Variants in LMO7 observed in about 807,000 individuals in gnomAD.
LMO7 encodes LIM domain 7.
A neutral mutation model predicts 206.5 loss-of-function variants in LMO7; 120 were observed. That is an observed-to-expected ratio of 0.58 (90% confidence interval 0.50 to 0.68). The LOEUF (loss-of-function observed/expected upper bound fraction) is 0.68. LMO7 is among the 30% of genes least tolerant of loss of function. The pLI is 0.00. For synonymous variants in LMO7, 706 were observed against 681.5 expected, an observed-to-expected ratio of 1.04 and a Z score of -0.56; for missense variants, 1,959 against 1,957.9, an observed-to-expected ratio of 1.00 and a Z score of -0.01.
Position 75,833,043 on chromosome 13 carries a change from G to A in LMO7, c.2950-8G>A, listed in dbSNP as rs1403402998. On this transcript the variant is annotated splice_polypyrimidine_tract_variant and splice_region_variant and intron_variant, in intron 15 of 30. Coordinates refer to ENST00000377534, the MANE Select transcript of LMO7 (RefSeq NM_001306080.2). Reference sequence around the variant, plus strand: ...ACCGGATACCAGCGTTTCATGTTTTGTTTTCAGGATCAGTTCAGTGATATG... The same window carrying A: ...ACCGGATACCAGCGTTTCATGTTTTATTTTCAGGATCAGTTCAGTGATATG... 6.5e-7 allele frequency: 1 copy of A among 1,545,084 alleles called. No homozygotes were observed. Among genetic ancestry groups the A allele is most frequent in the Non-Finnish European group, 8.9e-7 (1 of 1,117,838 alleles).
At position 75,806,006 on chromosome 13, in the gene LMO7, C is replaced by G. The variant is rs368551924; in HGVS notation, c.1196+246C>G. On this transcript the variant is annotated intron_variant, in intron 9 of 30. Transcript: ENST00000377534. Reference sequence around the variant, plus strand: ...TTATTTTTAGTAGTTCTGTTTTTCTCCAATTCTTTGTCTCATTCCCTCTTC... The same window carrying G: ...TTATTTTTAGTAGTTCTGTTTTTCTGCAATTCTTTGTCTCATTCCCTCTTC... The G allele has an allele frequency of 9.1e-6, 11 of 1,208,520 alleles. No homozygotes were observed. The East Asian group carries it at 1.0e-4, about 11-fold the overall frequency. The allele number at this position is 1,208,520 out of a possible 1,614,324, so 74.9% of individuals were successfully genotyped here.
intron 16 of LMO7, among the ~76,000 whole-genome samples, chr13:75,833,821 T>G (rs552953625): frequency 6.6e-6 from 1 of 152,296 alleles, no homozygotes; most frequent in Non-Finnish European, 1.5e-5. Context: ...ATTTTAGTTA[T>G]GGAGTAATTT....
At chr13:75,722,622 T>C (rs570339148) in intron 2 of LMO7, among the ~76,000 whole-genome samples, 24 of 152,178 alleles carry the variant, frequency 1.6e-4, no homozygotes, top group Non-Finnish European at 3.4e-4. Flanking sequence ...ACAGCCACTG[T>C]GGAAAACAGT....
chr13:75,687,600 A>G (rs986664274), intron 1 of LMO7, among the ~76,000 whole-genome samples: 16 of 151,908 alleles, frequency 1.1e-4, no homozygotes, highest in East Asian at 1.9e-4. Flanking sequence ...AGCACTTGTT[A>G]TGTATTTTAT....
At position 75,660,800 on chromosome 13, in the gene LMO7, G is replaced by A. The variant is rs150011003; in HGVS notation, c.69+24074G>A. 5.4e-3 allele frequency among the ~76,000 whole-genome samples: 815 copies of A among 152,182 alleles called. 4 individuals carry two copies. The highest frequency in any genetic ancestry group is 9.8e-3 in the Non-Finnish European group (666 of 68,004). ...TCATGTTTTCCGTTTTTAGAAACCCGGTCCCTTGAGTCTTTGAGGTTTTGT... is the reference window on the plus strand; with the variant it reads ...TCATGTTTTCCGTTTTTAGAAACCCAGTCCCTTGAGTCTTTGAGGTTTTGT... On this transcript the variant is annotated intron_variant, in intron 1 of 30. Coordinates refer to ENST00000377534, the MANE Select transcript of LMO7 (RefSeq NM_001306080.2).
At position 75,838,534 on chromosome 13, in the gene LMO7, T is replaced by A. The variant is rs1595441597; in HGVS notation, c.3451+338T>A. 9.6e-6 allele frequency: 3 copies of A among 313,490 alleles called. No individual in the cohort carries two copies. The East Asian group carries it at 2.5e-4, about 26-fold the overall frequency. The allele number at this position is 313,490 out of a possible 1,614,324, so 19.4% of individuals were successfully genotyped here. On this transcript the variant is annotated intron_variant, in intron 20 of 30. Transcript: ENST00000377534. Reference sequence around the variant, plus strand: ...GGGTAACAGTAAGAAATGAGGAATTTCATTTAAGCCTTACTGCTTCCTACA... The same window carrying A: ...GGGTAACAGTAAGAAATGAGGAATTACATTTAAGCCTTACTGCTTCCTACA...
chr13:75,783,446 C>G (rs551013841), intron 4 of LMO7, among the ~76,000 whole-genome samples: 1 of 152,264 alleles, frequency 6.6e-6, no homozygotes, highest in Non-Finnish European at 1.5e-5. Context: ...ACCTCAGCCT[C>G]CTGAGTAGCT....
rs374022326 is a variant in LMO7 at position 75,841,992 on chromosome 13, C to G, written c.4031+9C>G. ...ATATACCAGTACAGGAGGTATGTCC[C>G]CACAGCCAGAGGGTACAAAGGCTTA... is the stretch of plus-strand genomic sequence containing the variant. On this transcript the variant is annotated intron_variant, in intron 24 of 30. Coordinates refer to ENST00000377534, the MANE Select transcript of LMO7 (RefSeq NM_001306080.2). 2.5e-6 allele frequency: 4 copies of G among 1,594,920 alleles called. No homozygotes were observed. The African/African-American group carries it at 5.4e-5, about 21-fold the overall frequency.
At chr13:75,627,720 A>G (rs1211182245) in intron 2 of LMO7, 2 of 151,354 alleles carry the variant, frequency 1.3e-5, no homozygotes, top group African/African-American at 4.9e-5. Context: ...TTTTCGTTTC[A>G]TGGGCTTCAG....
rs767450564 is a variant in LMO7, at chr13:75,849,092, T to C, written c.4164T>C (p.Tyr1388=). The change falls in exon 27 of 31, where the codon TAT becomes TAC. Residue 1388 remains tyrosine, a synonymous_variant. Transcript: ENST00000377534. ...TTTTTAATTTAGGAAACAATAAATA[T>C]TTAGACCAAATTGGGAACATGACCT... ...YSTNKNGNNK[Y]LDQIGNMTSS... 15 of 1,599,534 alleles carry C rather than the reference T, an allele frequency of 9.4e-6. No individual in the cohort carries two copies. Among genetic ancestry groups the C allele is most frequent in the Non-Finnish European group, 1.3e-5 (15 of 1,167,164 alleles).
chr13:75,819,310 T>G, intron 12 of LMO7, 83 bp from the exon 13 acceptor site: 1 of 1,449,586 alleles, frequency 6.9e-7, no homozygotes, highest in Non-Finnish European at 9.2e-7. Flanking sequence ...AGTGATGTAA[T>G]AAGATACTCT....
chr13:75,780,473 G>A (rs759324608), intron 4 of LMO7, among the ~76,000 whole-genome samples: 1 of 152,194 alleles, frequency 6.6e-6, no homozygotes, highest in African/African-American at 2.4e-5. Flanking sequence ...CAGGCAGTCA[G>A]ACTTTATGGT....
intron 4 of LMO7, among the ~76,000 whole-genome samples, chr13:75,782,257 CT>C (rs1405845370): frequency 6.6e-6 from 1 of 152,148 alleles, no homozygotes; most frequent in African/African-American, 2.4e-5. Flanking sequence ...CATTGATTAG[CT>C]GTAGATGAGG....
At chr13:75,708,273 T>C (rs1252914876) in intron 1 of LMO7, among the ~76,000 whole-genome samples, 1 of 152,234 alleles carries the variant, frequency 6.6e-6, no homozygotes, top group Non-Finnish European at 1.5e-5. Context: ...GTAGTGAATG[T>C]GGAATTTGAA....
At chr13:75,726,321 A>C (rs536489157) in intron 2 of LMO7, among the ~76,000 whole-genome samples, 1 of 152,168 alleles carries the variant, frequency 6.6e-6, no homozygotes, top group South Asian at 2.1e-4. Context: ...TTCAGTTGTC[A>C]AAGCTGAGTT....
In LMO7 at chr13:75,853,232, C is replaced by T; in HGVS notation, c.4505C>T (p.Ser1502Leu). Residue 1502 changes from serine to leucine, a missense_variant, in exon 28 of 31, where the codon TCA becomes TTA. Transcript: ENST00000377534. ...SRPPPQLVST[S>L]NRAYMRNPSS... The stretch of plus-strand genomic sequence containing the variant: ...CCACCACCTCAGCTGGTGTCCACAT[C>T]AAACCGTGCCTACATGCGGAACCCC... The T allele has an allele frequency of 6.2e-7, 1 of 1,614,170 alleles. No homozygotes were observed. Among genetic ancestry groups the T allele is most frequent in the Non-Finnish European group, 8.5e-7 (1 of 1,180,024 alleles).
chr13:75,770,190 T>TA (rs1555314673), intron 4 of LMO7, among the ~76,000 whole-genome samples: 1 of 150,858 alleles, frequency 6.6e-6, no homozygotes, highest in Non-Finnish European at 1.5e-5. Flanking sequence ...TTTTTTTTTT[T>TA]CCCCACCGAA....
chr13:75,773,015 G>C (rs1354509754), intron 4 of LMO7, among the ~76,000 whole-genome samples: 2 of 152,216 alleles, frequency 1.3e-5, no homozygotes, highest in Admixed American at 6.5e-5. Context: ...ATGATGGAGT[G>C]AGAGTTTAAT....
At chr13:75,628,805 C>T (rs1242490607) in intron 2 of LMO7, among the ~76,000 whole-genome samples, 1 of 152,172 alleles carries the variant, frequency 6.6e-6, no homozygotes, top group Non-Finnish European at 1.5e-5. Flanking sequence ...ACCATTCAGC[C>T]CCATCCCTTC....
Sources: allele counts gnomAD v4.1 joint callset (sites outside exome capture counted in the v4.1 genomes callset), GRCh38; gene constraint gnomAD v4.1.1; transcripts MANE v1.5; gene names NCBI Gene and HGNC (gene_info 2026-07-23, HGNC 2026-07-21).